TBC1D1: variants seen among roughly 807,000 people sequenced by gnomAD.
The protein encoded by TBC1D1 is TBC1 domain family member 1.
In TBC1D1, 89 loss-of-function variants were observed where a neutral mutation model predicts 125.6. That is an observed-to-expected ratio of 0.71 (90% CI 0.60 to 0.85). The LOEUF is 0.85. TBC1D1 is among the 40% of genes least tolerant of loss of function. The pLI is 0.00. For synonymous variants in TBC1D1, 565 were observed against 564.1 expected, an observed-to-expected ratio of 1.00 and a Z score of -0.02; for missense variants, 1,377 against 1,469.2, an observed-to-expected ratio of 0.94 and a Z score of 1.03.
At chr4:38,039,651 C>G (rs1383998562) in intron 8 of TBC1D1, among the ~76,000 whole-genome samples, 1 of 152,176 alleles carries the variant, frequency 6.6e-6, no homozygotes, top group Non-Finnish European at 1.5e-5. Context: ...ATACATTGTG[C>G]CAGCCTGGGA....
chr4:38,068,188 C>G (rs1448932811), intron 12 of TBC1D1, among the ~76,000 whole-genome samples: 1 of 152,104 alleles, frequency 6.6e-6, no homozygotes, highest in Non-Finnish European at 1.5e-5. Context: ...ATCTGGAGAG[C>G]AAAACTGTCG....
chr4:38,121,231 G>C (rs1318030071), intron 17 of TBC1D1, among the ~76,000 whole-genome samples: 1 of 152,224 alleles, frequency 6.6e-6, no homozygotes, highest in East Asian at 1.9e-4. Flanking sequence ...CAGCCTTCCA[G>C]AAGAAAGTTG....
intron 11 of TBC1D1, among the ~76,000 whole-genome samples, chr4:38,050,154 C>T (rs1029670287): frequency 9.2e-5 from 14 of 152,148 alleles, no homozygotes; most frequent in Admixed American, 7.2e-4. Flanking sequence ...ACTCCTCAAA[C>T]AAAGTAAGAG....
At chr4:37,980,973 C>G (rs1186628047) in intron 2 of TBC1D1, among the ~76,000 whole-genome samples, 2 of 151,402 alleles carry the variant, frequency 1.3e-5, no homozygotes, top group Non-Finnish European at 2.9e-5. Flanking sequence ...CCCTGAGTCT[C>G]ACTCTGTCGC....
In TBC1D1 at chr4:38,014,805, G is replaced by T. The variant is rs543593209; in HGVS notation, c.714G>T (p.Gln238His). The T allele has an allele frequency of 9.8e-6, 14 of 1,425,996 alleles. No homozygotes were observed. The highest frequency in any genetic ancestry group is 1.3e-5 in the Non-Finnish European group (14 of 1,061,254). The allele number at this position is 1,425,996 out of a possible 1,614,324, so 88.3% of individuals were successfully genotyped here. Reference sequence around the variant, plus strand: ...GGCCCATGCGCAAGTCCTTCTCCCAGCCCGGCCTGCGCTCGCTGGCCTTTA... The same window carrying T: ...GGCCCATGCGCAAGTCCTTCTCCCATCCCGGCCTGCGCTCGCTGGCCTTTA... Residue 238 changes from glutamine to histidine, a missense_variant, in exon 3 of 20, where the codon CAG (glutamine) becomes CAT (histidine). Coordinates refer to ENST00000261439, the MANE Select transcript of TBC1D1 (RefSeq NM_015173.4). This position sits in a 1 kb window ranked among gnomAD's most constrained non-coding sequence, Gnocchi z 5.1.
Position 37,995,503 on chromosome 4 carries a change from A to G in TBC1D1, c.418-19006A>G, listed in dbSNP as rs932447045. The G allele has an allele frequency of 9.2e-6, 3 of 327,048 alleles. No individual in the cohort carries two copies. The highest frequency in any genetic ancestry group is 3.9e-5 in the Admixed American group (1 of 25,734). The allele number at this position is 327,048 out of a possible 1,614,324, so 20.3% of individuals were successfully genotyped here. A position where few individuals can be genotyped will look rare whatever the true frequency, so the allele number is the denominator to read the frequency against. On this transcript the variant is annotated intron_variant, in intron 2 of 19. Transcript: ENST00000261439. This position sits in a 1 kb window ranked among gnomAD's most constrained non-coding sequence, Gnocchi z 4.3. Reference sequence around the variant, plus strand: ...CCTTCCAGCCCTGGGCTCAGTACACAGATGGTTTCTCTTCACCTTTTGGGT... The same window carrying G: ...CCTTCCAGCCCTGGGCTCAGTACACGGATGGTTTCTCTTCACCTTTTGGGT...
At chr4:38,047,613 G>A (rs1242509067) in intron 10 of TBC1D1, among the ~76,000 whole-genome samples, 1 of 152,104 alleles carries the variant, frequency 6.6e-6, no homozygotes, top group African/African-American at 2.4e-5. Context: ...AAGTTACCTA[G>A]GAGGAGAGAG....
chr4:37,936,945 G>T (rs1047278336), intron 2 of TBC1D1, among the ~76,000 whole-genome samples: 1 of 152,176 alleles, frequency 6.6e-6, no homozygotes, highest in African/African-American at 2.4e-5. Flanking sequence ...GGCAGAAAGA[G>T]AATTTATTGG....
chr4:38,070,413 A>C (rs1017316076), intron 12 of TBC1D1, among the ~76,000 whole-genome samples: 1 of 152,192 alleles, frequency 6.6e-6, no homozygotes, highest in African/African-American at 2.4e-5. Context: ...CCAGGTTCCC[A>C]CGTGGACCTT....
intron 2 of TBC1D1, among the ~76,000 whole-genome samples, chr4:37,904,391 A>G (rs1466841571): frequency 1.3e-5 from 2 of 152,266 alleles, no homozygotes; most frequent in Non-Finnish European, 2.9e-5. Context: ...AAATTCCAGA[A>G]TGAAAATGAG....
At chr4:38,009,964 G>A (rs1472319787) in intron 2 of TBC1D1, among the ~76,000 whole-genome samples, 4 of 152,112 alleles carry the variant, frequency 2.6e-5, no homozygotes, top group East Asian at 1.9e-4. Context: ...CAGAAATGAC[G>A]TAGATACTAT....
chr4:37,978,542 C>T (rs1209546423), intron 2 of TBC1D1, among the ~76,000 whole-genome samples: 5 of 152,116 alleles, frequency 3.3e-5, no homozygotes, highest in African/African-American at 1.2e-4. Flanking sequence ...TTATGAATAC[C>T]TGTTTGTGAG....
At chr4:37,985,916 T>C (rs548887143) in intron 2 of TBC1D1, among the ~76,000 whole-genome samples, 5 of 152,316 alleles carry the variant, frequency 3.3e-5, no homozygotes, top group African/African-American at 1.2e-4. Context: ...AGGTCATTGA[T>C]GTGGTGGATT....
intron 2 of TBC1D1, among the ~76,000 whole-genome samples, chr4:37,929,078 C>T (rs115976867): frequency 0.013 from 2,011 of 152,324 alleles, 18 homozygotes; most frequent in Middle Eastern, 0.02. Context: ...AATTGCAAGA[C>T]GGTTCAATGC....
intron 3 of TBC1D1, among the ~76,000 whole-genome samples, chr4:38,016,699 T>C (rs1034275004): frequency 3.3e-5 from 5 of 152,174 alleles, no homozygotes; most frequent in African/African-American, 1.2e-4. Context: ...GGGTGAGAAA[T>C]AATTCCAGAT....
intron 2 of TBC1D1, among the ~76,000 whole-genome samples, chr4:37,983,753 T>C (rs1578149421): frequency 6.6e-6 from 1 of 152,230 alleles, no homozygotes; most frequent in Non-Finnish European, 1.5e-5. Flanking sequence ...TATTGACATA[T>C]GATTATCACA....
chr4:38,130,934 C>T (rs1466253668), intron 18 of TBC1D1, among the ~76,000 whole-genome samples: 1 of 152,194 alleles, frequency 6.6e-6, no homozygotes, highest in Non-Finnish European at 1.5e-5. Flanking sequence ...CAAGGACAGG[C>T]GCCCCTCCCA....
chr4:38,106,698 C>T (rs538858554), intron 15 of TBC1D1, among the ~76,000 whole-genome samples: 2 of 152,262 alleles, frequency 1.3e-5, no homozygotes, highest in Admixed American at 6.5e-5. Flanking sequence ...TGCAGTATCC[C>T]CTCATTCTTC....
At chr4:37,965,578 G>T (rs1220199771) in intron 2 of TBC1D1, among the ~76,000 whole-genome samples, 1 of 151,964 alleles carries the variant, frequency 6.6e-6, no homozygotes, top group African/African-American at 2.4e-5. Flanking sequence ...TTTTATACTT[G>T]TGTTGTCCCT....
Sources: allele counts gnomAD v4.1 joint callset (sites outside exome capture counted in the v4.1 genomes callset), GRCh38; gene constraint gnomAD v4.1.1; non-coding constraint Gnocchi (gnomAD v3.1); transcripts MANE v1.5; gene names NCBI Gene and HGNC (gene_info 2026-07-23, HGNC 2026-07-21).